HELB: variants seen among roughly 807,000 people sequenced by gnomAD.
The protein encoded by HELB is DNA helicase B.
HELB carries 96 observed loss-of-function variants against 101.7 expected under a neutral mutation model. The ratio of observed to expected loss-of-function variants is 0.94; its 90% confidence interval spans 0.80 to 1.12. The LOEUF is 1.12. Among genes scored for constraint, HELB ranks in the 50% most tolerant of loss-of-function variants. The pLI is 0.00. For synonymous variants in HELB, 437 were observed against 459.7 expected (o/e 0.95, Z 0.63); for missense variants, 1,210 against 1,291.9 (o/e 0.94, Z 0.97).
At chr12:66,308,150 T>G (rs2053499751) in intron 3 of HELB, among the ~76,000 whole-genome samples, 1 of 152,128 alleles carries the variant, frequency 6.6e-6, no homozygotes, top group African/African-American at 2.4e-5. Flanking sequence ...AGTCCTAGAT[T>G]CTCTCCCCAT....
chr12:66,326,792 G>A (rs2053743782), intron 11 of HELB, among the ~76,000 whole-genome samples: 1 of 149,980 alleles, frequency 6.7e-6, no homozygotes. Flanking sequence ...AGCACTTTGG[G>A]AGGCCGAGGT....
At chr12:66,316,058 T>G (rs1330388174) in intron 6 of HELB, among the ~76,000 whole-genome samples, 1 of 152,210 alleles carries the variant, frequency 6.6e-6, no homozygotes, top group Admixed American at 6.5e-5. Flanking sequence ...AACTATAATT[T>G]TACTGTACCT....
Position 66,315,384 on chromosome 12 carries a change from G to T in HELB, c.2000+1G>T. 1 of 1,556,204 alleles carries T rather than the reference G, an allele frequency of 6.4e-7. No homozygotes were observed. Among genetic ancestry groups the T allele is most frequent in the Non-Finnish European group, 8.7e-7 (1 of 1,155,242 alleles). On this transcript the variant is annotated splice_donor_variant, in intron 6 of 12. Coordinates refer to ENST00000247815, the MANE Select transcript of HELB (RefSeq NM_001370285.1). LOFTEE classifies it high-confidence loss of function. ...AGCTCATTGTGGACAATGCTACAAG[G>T]TATAATATTACTAAGAGTTTGCATT...
chr12:66,305,274 G>A (rs1205118741), intron 2 of HELB, 124 bp downstream of exon 2: 4 of 662,768 alleles, frequency 6.0e-6, no homozygotes, highest in Non-Finnish European at 1.0e-5. Context: ...ATGTGTTTAT[G>A]TTGCTTTTGG....
At chr12:66,313,911 A>C (rs1471652233) in intron 4 of HELB, 75 bp from the exon 5 acceptor site, 3 of 1,411,932 alleles carry the variant, frequency 2.1e-6, no homozygotes, top group Admixed American at 3.5e-5. Context: ...GTTTTGCCCC[A>C]AAATAACTTG....
chr12:66,306,785 T>G (rs888205504), intron 3 of HELB, among the ~76,000 whole-genome samples: 2 of 152,200 alleles, frequency 1.3e-5, no homozygotes, highest in African/African-American at 4.8e-5. Context: ...TTATGGGTAT[T>G]AATTTAGTTA....
At chr12:66,306,866 G>A (rs763464870) in intron 3 of HELB, among the ~76,000 whole-genome samples, 7 of 152,264 alleles carry the variant, frequency 4.6e-5, no homozygotes, top group Middle Eastern at 3.4e-3. Context: ...GAGGTCAACA[G>A]CTCTTACAAA....
intron 12 of HELB, among the ~76,000 whole-genome samples, chr12:66,334,271 G>A (rs1343897574): frequency 2.0e-5 from 3 of 151,872 alleles, no homozygotes; most frequent in Non-Finnish European, 4.4e-5. Context: ...GACTAACCTG[G>A]GCAATATAGT....
intron 11 of HELB, among the ~76,000 whole-genome samples, chr12:66,328,724 G>C (rs1016693427): frequency 1.3e-5 from 2 of 152,114 alleles, no homozygotes; most frequent in Non-Finnish European, 2.9e-5. Flanking sequence ...TATCTAAATT[G>C]AAATGTTCTG....
rs34109029 is a variant in HELB, at chr12:66,324,130, G to T, written c.2445G>T (p.Thr815=). ...LDASSEDFSG[T]LPDFAKNKRD... ...CCAGTAGTGAAGACTTTTCTGGTAC[G>T]CTTCCTGATTTTGCTAAAAATAAGC... The change falls in exon 10 of 13, where the codon ACG becomes ACT. Residue 815 remains threonine, a synonymous_variant. Transcript: ENST00000247815. 50,064 of 1,613,504 alleles carry T rather than the reference G, an allele frequency of 0.031. 3,125 individuals carry two copies. Among genetic ancestry groups the T allele is most frequent in the African/African-American group, 0.24 (18,066 of 74,866 alleles).
chr12:66,342,095 T>C (rs1159442336), downstream of HELB: 2 of 152,216 alleles, frequency 1.3e-5, no homozygotes, highest in African/African-American at 4.8e-5. Flanking sequence ...AAAGTCATGA[T>C]GATTTACTAC....
chr12:66,324,916 C>A, intron 10 of HELB, 67 bp from the exon 11 acceptor site: 1 of 1,587,452 alleles, frequency 6.3e-7, no homozygotes, highest in Non-Finnish European at 8.6e-7. Context: ...GATAGAATAT[C>A]TTTGAACGTA....
chr12:66,339,919 C>T (rs1391808880), downstream of HELB: 2 of 152,144 alleles, frequency 1.3e-5, no homozygotes, highest in Non-Finnish European at 2.9e-5. Context: ...AGACTCCATC[C>T]GTGTTGTACC....
At chr12:66,336,555 A>G (rs2053868120) in intron 12 of HELB, among the ~76,000 whole-genome samples, 1 of 152,184 alleles carries the variant, frequency 6.6e-6, no homozygotes, top group African/African-American at 2.4e-5. Context: ...CCAGGGGAGA[A>G]AGTGCTGGTG....
At chr12:66,334,806 C>G (rs1471095830) in intron 12 of HELB, among the ~76,000 whole-genome samples, 2 of 151,966 alleles carry the variant, frequency 1.3e-5, no homozygotes, top group Non-Finnish European at 2.9e-5. Flanking sequence ...TAAATACATA[C>G]ATACAAAATA....
chr12:66,302,823 G>A (rs1276463684), intron 1 of HELB, 33 bp downstream of exon 1: 1 of 1,563,180 alleles, frequency 6.4e-7, no homozygotes, highest in Admixed American at 1.9e-5. Flanking sequence ...GGATGGGGTT[G>A]GAGGGTCCAA....
At chr12:66,318,434 A>G (rs1365837550) in intron 6 of HELB, among the ~76,000 whole-genome samples, 1 of 152,124 alleles carries the variant, frequency 6.6e-6, no homozygotes, top group African/African-American at 2.4e-5. Flanking sequence ...TAGTACCATA[A>G]GTTATTGCTA....
rs2053675369 is a variant in HELB at position 66,321,978 on chromosome 12, A to C, written c.2186A>C (p.Gln729Pro). 4 of 1,193,006 alleles carry C rather than the reference A, an allele frequency of 3.4e-6. No homozygotes were observed. Among genetic ancestry groups the C allele is most frequent in the Non-Finnish European group, 4.8e-6 (4 of 827,322 alleles). 73.9% of individuals were successfully genotyped at this position (1,193,006 alleles called of 1,614,324 possible). Residue 729 changes from glutamine to proline, a missense_variant, in exon 8 of 13, where the codon CAA (glutamine) becomes CCA (proline). Around this residue, in one of 2 missense-constraint regions of HELB, gnomAD observed 740 missense variants for 728.8 expected, o/e 1.02. Coordinates refer to ENST00000247815, the MANE Select transcript of HELB (RefSeq NM_001370285.1). ...CLYSAVKTLL[Q>P]ENNLQNAKTS... ...TATTCTGCAGTTAAAACTTTACTAC[A>C]AGAAAATAACTTACAAAATGCAAAA...
At chr12:66,327,035 CAAAAAAAAAAA>C (rs756031862) in intron 11 of HELB, among the ~76,000 whole-genome samples, 4 of 41,696 alleles carry the variant, frequency 9.6e-5, no homozygotes, top group African/African-American at 3.0e-4. Flanking sequence ...GACTTCATCT[CAAAAAAAAAAA>C]AAAAAAAAAA....
Sources: allele counts gnomAD v4.1 joint callset (sites outside exome capture counted in the v4.1 genomes callset), GRCh38; gene constraint gnomAD v4.1.1; regional missense constraint gnomAD v4.1.1; transcripts MANE v1.5; gene names NCBI Gene and HGNC (gene_info 2026-07-23, HGNC 2026-07-21).